Variants in DPP6 observed in about 807,000 individuals in gnomAD.
DPP6 encodes the protein dipeptidyl peptidase like 6, also known as A-type potassium channel modulatory protein DPP6.
Under a neutral mutation model 122.6 loss-of-function variants are expected in DPP6, and 69 were observed. The ratio of observed to expected loss-of-function variants is 0.56; its 90% confidence interval spans 0.46 to 0.69. DPP6 has a LOEUF of 0.69. Among genes scored for constraint, DPP6 ranks in the 30% least tolerant of loss-of-function variants. The pLI is 0.00. For synonymous variants in DPP6, 418 were observed against 433.1 expected, an observed-to-expected ratio of 0.97 and a Z score of 0.43; for missense variants, 928 against 1,116.9, an observed-to-expected ratio of 0.83 and a Z score of 2.41.
chr7:154,645,039 T>G (rs1836360474), intron 6 of DPP6, among the ~76,000 whole-genome samples: 1 of 151,320 alleles, frequency 6.6e-6, no homozygotes, highest in African/African-American at 2.4e-5. Context: ...TTACTTGCTT[T>G]TTTTGTTTTG....
At chr7:154,660,000 A>G (rs1044184500) in intron 6 of DPP6, among the ~76,000 whole-genome samples, 1 of 152,242 alleles carries the variant, frequency 6.6e-6, no homozygotes, top group African/African-American at 2.4e-5. Flanking sequence ...TCCACACGTC[A>G]TAAGGTTGGG....
chr7:153,970,430 G>A (rs1235175884), intron 1 of DPP6, among the ~76,000 whole-genome samples: 1 of 152,152 alleles, frequency 6.6e-6, no homozygotes, highest in Non-Finnish European at 1.5e-5. Flanking sequence ...ATTCCAATAT[G>A]TGGCTTGCTG....
chr7:154,332,665 T>C lies in DPP6; in HGVS notation c.244-113549T>C, dbSNP rs1043081671. Among the ~76,000 whole-genome samples the C allele has an allele frequency of 3.2e-4, 49 of 152,220 alleles. 1 individual carries two copies. The highest frequency in any genetic ancestry group is 5.9e-5 in the Non-Finnish European group (4 of 68,038). On this transcript the variant is annotated intron_variant, in intron 1 of 25. Coordinates refer to ENST00000377770, the MANE Select transcript of DPP6 (RefSeq NM_130797.4). ...TCCAGGACCAAGGAAATCTGGTAAA[T>C]AAAGGACAGTTGTTTGTTCATGGAT...
chr7:153,768,164 A>G, the DPP6 span, among the ~76,000 whole-genome samples: 1 of 150,300 alleles, frequency 6.7e-6, no homozygotes, highest in Non-Finnish European at 1.5e-5. Context: ...AAAATAAATA[A>G]TGTACATTTA....
At chr7:154,874,055 A>ATGCACATG (rs1322180022) in intron 19 of DPP6, among the ~76,000 whole-genome samples, 3 of 151,266 alleles carry the variant, frequency 2.0e-5, no homozygotes, top group Non-Finnish European at 2.9e-5. Flanking sequence ...TGCAGCACAT[A>ATGCACATG]TGCACATGTA....
At chr7:154,667,452 G>T (rs1414588408) in intron 6 of DPP6, among the ~76,000 whole-genome samples, 1 of 152,208 alleles carries the variant, frequency 6.6e-6, no homozygotes, top group Non-Finnish European at 1.5e-5. Context: ...TGTTGGCTGG[G>T]CACAGTGGCT....
intron 1 of DPP6, among the ~76,000 whole-genome samples, chr7:153,944,185 T>A (rs1801830264): frequency 6.6e-6 from 1 of 152,208 alleles, no homozygotes; most frequent in African/African-American, 2.4e-5. Context: ...CGGGGCTCGG[T>A]CCGTCTGGCC....
intron 1 of DPP6, among the ~76,000 whole-genome samples, chr7:153,986,023 G>A (rs1055179200): frequency 6.6e-5 from 10 of 152,132 alleles, no homozygotes; most frequent in African/African-American, 2.2e-4. Context: ...GAGAGAGAAA[G>A]GGAGAAAAAA....
chr7:154,269,956 T>C (rs546235173), intron 1 of DPP6, among the ~76,000 whole-genome samples: 1 of 152,138 alleles, frequency 6.6e-6, no homozygotes, highest in Non-Finnish European at 1.5e-5. Flanking sequence ...CCCTAAATAA[T>C]GGGAAATAAT....
At chr7:154,055,691 C>T (rs1477448509) in intron 1 of DPP6, 1 of 152,236 alleles carries the variant, frequency 6.6e-6, no homozygotes, top group African/African-American at 2.4e-5. Context: ...GCCGCTACTT[C>T]GGTGGGAGCT....
At chr7:154,463,259 G>A (rs968935694) in intron 2 of DPP6, among the ~76,000 whole-genome samples, 3 of 137,512 alleles carry the variant, frequency 2.2e-5, no homozygotes, top group Non-Finnish European at 4.6e-5. Context: ...CCAGGCTGGA[G>A]TGCAGTGGCA....
At chr7:154,199,597 C>G (rs1799058532) in intron 1 of DPP6, among the ~76,000 whole-genome samples, 1 of 151,766 alleles carries the variant, frequency 6.6e-6, no homozygotes, top group Non-Finnish European at 1.5e-5. Flanking sequence ...CATCTATACT[C>G]TCAGCCACTT....
chr7:154,348,870 TCCTTCTTTATTCTG>T (rs1810611354), intron 1 of DPP6, among the ~76,000 whole-genome samples: 3 of 152,342 alleles, frequency 2.0e-5, no homozygotes, highest in Admixed American at 2.0e-4. Flanking sequence ...AGAACCATCT[TCCTTCTTTATTCTG>T]CCATTTGGCT....
intron 1 of DPP6, among the ~76,000 whole-genome samples, chr7:154,105,440 C>T (rs183963430): frequency 3.3e-4 from 50 of 152,322 alleles, no homozygotes; most frequent in African/African-American, 9.9e-4. Flanking sequence ...CTGCAAATAA[C>T]GACCAGCCTT....
At chr7:154,561,926 G>T (rs1442937136) in intron 4 of DPP6, among the ~76,000 whole-genome samples, 1 of 152,160 alleles carries the variant, frequency 6.6e-6, no homozygotes, top group Admixed American at 6.5e-5. Context: ...GGATATTGGT[G>T]TAATAAATTG....
chr7:154,462,654 T>C (rs1327792503), intron 2 of DPP6, among the ~76,000 whole-genome samples: 1 of 152,088 alleles, frequency 6.6e-6, no homozygotes, highest in African/African-American at 2.4e-5. Flanking sequence ...TTTTTTAAAT[T>C]TTATTATTAT....
At chr7:154,828,049 C>T (rs1053892195) in intron 16 of DPP6, among the ~76,000 whole-genome samples, 1 of 152,118 alleles carries the variant, frequency 6.6e-6, no homozygotes, top group Non-Finnish European at 1.5e-5. Context: ...CAGCGCTGAA[C>T]TTTCAGCTGA....
At chr7:154,575,472 G>GTGTGAGCGGGTGTA (rs1831568991) in intron 5 of DPP6, among the ~76,000 whole-genome samples, 1 of 37,802 alleles carries the variant, frequency 2.6e-5, no homozygotes, top group African/African-American at 1.9e-4. Context: ...GGGTGTATGT[G>GTGTGAGCGGGTGTA]TGTGGTGTGT....
At chr7:154,878,701 G>A (rs547589474) in intron 20 of DPP6, among the ~76,000 whole-genome samples, 4 of 152,276 alleles carry the variant, frequency 2.6e-5, no homozygotes, top group East Asian at 1.9e-4. Context: ...AAGGGAGCTC[G>A]TCCCACCCCT....
Sources: allele counts gnomAD v4.1 joint callset (sites outside exome capture counted in the v4.1 genomes callset), GRCh38; gene constraint gnomAD v4.1.1; transcripts MANE v1.5; gene names NCBI Gene and HGNC (gene_info 2026-07-23, HGNC 2026-07-21).